The following TMX3 variants were observed in gnomAD, a reference collection of about 807,000 sequenced individuals.
TMX3 encodes the protein thioredoxin related transmembrane protein 3.
TMX3 carries 40 observed loss-of-function variants against 64.4 expected under a neutral mutation model. The observed-to-expected ratio is 0.62, with a 90% CI of 0.48 to 0.81. The LOEUF (loss-of-function observed/expected upper bound fraction) is 0.81. Ranked by LOEUF, TMX3 falls within the 30% of genes least tolerant of loss-of-function variation. The pLI is 0.00. For missense variants in TMX3, 497 were observed against 534.5 expected (o/e 0.93, Z 0.69); for synonymous variants, 189 against 175.7 (o/e 1.08, Z -0.60).
intron 10 of TMX3, 34 bp from the exon 11 acceptor site, chr18:68,684,519 A>T: frequency 1.3e-6 from 2 of 1,570,560 alleles, no homozygotes; most frequent in South Asian, 2.2e-5. Context: ...GAATTCAATC[A>T]CCCTTATTAC....
chr18:68,711,165 A>C (rs1413124127), intron 3 of TMX3, among the ~76,000 whole-genome samples, 199 bp downstream of exon 3: 1 of 152,180 alleles, frequency 6.6e-6, no homozygotes, highest in Admixed American at 6.5e-5. Flanking sequence ...TTCATCAAAA[A>C]TACGTTCCCT....
At position 68,710,055 on chromosome 18, in the gene TMX3, A is replaced by T. The variant is rs780526592; in HGVS notation, c.231T>A (p.Val77=). ...GLEMKSIGSP[V]KVGKMDATSY... Reference sequence around the variant, plus strand: ...AAGTAGCATCCATCTTTCCAACCTTAACTGGAGAACCAATGCTTTTCATCT... The same window carrying T: ...AAGTAGCATCCATCTTTCCAACCTTTACTGGAGAACCAATGCTTTTCATCT... Residue 77 remains valine, a synonymous_variant, in exon 4 of 16, where the codon GTT becomes GTA. Coordinates refer to ENST00000299608, the MANE Select transcript of TMX3 (RefSeq NM_019022.5). The T allele has an allele frequency of 3.8e-5, 60 of 1,597,218 alleles. No individual in the cohort carries two copies. The highest frequency in any genetic ancestry group is 4.7e-5 in the Non-Finnish European group (55 of 1,172,796).
chr18:68,713,791 GAT>G, intron 2 of TMX3, 53 bp downstream of exon 2: 1 of 863,844 alleles, frequency 1.2e-6, no homozygotes. Context: ...CAAATATTCA[GAT>G]ATCTGAGTTG....
chr18:68,681,247 C>A, intron 13 of TMX3, 137 bp from the exon 14 acceptor site: 1 of 771,502 alleles, frequency 1.3e-6, no homozygotes. Flanking sequence ...AGAAAATGAT[C>A]AAATAGACCT....
At chr18:68,688,792 G>T (rs1914216144) in intron 9 of TMX3, 1 of 152,196 alleles carries the variant, frequency 6.6e-6, no homozygotes, top group Non-Finnish European at 1.5e-5. Flanking sequence ...TGATCAATTT[G>T]AATTTCATTC....
At chr18:68,706,817 A>C (rs1273268992) in intron 4 of TMX3, among the ~76,000 whole-genome samples, 3 of 152,216 alleles carry the variant, frequency 2.0e-5, no homozygotes, top group Admixed American at 6.5e-5. Context: ...GAAATTCACA[A>C]GGCAAAAATC....
intron 9 of TMX3, 196 bp from the exon 10 acceptor site, chr18:68,687,961 T>C (rs1914126198): frequency 5.6e-6 from 2 of 354,626 alleles, no homozygotes; most frequent in Admixed American, 4.7e-5. Flanking sequence ...CATTATAGCA[T>C]CATTAAAAAT....
At chr18:68,680,876 G>T in intron 14 of TMX3, 105 bp downstream of exon 14, 1 of 1,163,252 alleles carries the variant, frequency 8.6e-7, no homozygotes, top group South Asian at 2.1e-5. Context: ...CCTCTACTCC[G>T]GGTGATGGCC....
At chr18:68,695,638 A>G (rs750019326) in intron 8 of TMX3, among the ~76,000 whole-genome samples, 2 of 152,120 alleles carry the variant, frequency 1.3e-5, no homozygotes, top group Non-Finnish European at 2.9e-5. Flanking sequence ...ATTCTTCCAT[A>G]TCAGCAAGCT....
intron 10 of TMX3, among the ~76,000 whole-genome samples, chr18:68,686,294 G>A (rs561463675): frequency 6.6e-6 from 1 of 152,302 alleles, no homozygotes; most frequent in African/African-American, 2.4e-5. Context: ...GAAAAGATGT[G>A]TTCAGTTGAG....
At chr18:68,710,491 C>T (rs776069362) in intron 3 of TMX3, among the ~76,000 whole-genome samples, 1 of 152,042 alleles carries the variant, frequency 6.6e-6, no homozygotes, top group African/African-American at 2.4e-5. Flanking sequence ...CATATATATA[C>T]AACATACACA....
At chr18:68,694,429 G>A (rs1283099230) in intron 8 of TMX3, among the ~76,000 whole-genome samples, 2 of 152,206 alleles carry the variant, frequency 1.3e-5, no homozygotes, top group Non-Finnish European at 2.9e-5. Flanking sequence ...GCCTGGAGCT[G>A]CCTTCCCCGT....
chr18:68,708,187 T>C (rs2030920523), intron 4 of TMX3, among the ~76,000 whole-genome samples: 1 of 151,980 alleles, frequency 6.6e-6, no homozygotes, highest in African/African-American at 2.4e-5. Flanking sequence ...CAAAGAAATA[T>C]CAACTCAAAC....
At chr18:68,711,454 A>T in intron 2 of TMX3, 51 bp from the exon 3 acceptor site, 1 of 1,348,662 alleles carries the variant, frequency 7.4e-7, no homozygotes. Context: ...TCCACTTTAC[A>T]ACTGTATAGT....
rs778069843 is a variant in TMX3, at chr18:68,684,198, G to A, written c.840C>T (p.Leu280=). Residue 280 remains leucine, a synonymous_variant, in exon 12 of 16, where the codon CTC becomes CTT. Transcript: ENST00000299608. ...IQEVARDYRD[L]FHRDFQFGHM... is the part of the protein sequence containing the mutation. The stretch of plus-strand genomic sequence containing the variant: ...AGAATATAAGCACCTACCTATGGAA[G>A]AGGTCTCTGTAATCTCTTGCAACTT... 1.2e-5 allele frequency: 19 copies of A among 1,609,614 alleles called. No individual in the cohort carries two copies. Among genetic ancestry groups the A allele is most frequent in the Admixed American group, 5.0e-5 (3 of 59,660 alleles).
In TMX3 at chr18:68,681,028, C is replaced by T. The variant is rs1354584113; in HGVS notation, c.988G>A (p.Glu330Lys). 2 of 1,600,952 alleles carry T rather than the reference C, an allele frequency of 1.2e-6. No homozygotes were observed. Among genetic ancestry groups the T allele is most frequent in the African/African-American group, 2.7e-5 (2 of 74,480 alleles). Residue 330 changes from glutamate to lysine, a missense_variant, in exon 14 of 16, where the codon GAA (glutamate) becomes AAA (lysine). By Grantham distance (56) the Glu-to-Lys change is moderately conservative. Transcript: ENST00000299608. ...TTATTAATAAACTGGACCATGTCTT[C>T]AACATTCTTAATCTGTCTATCTAGC... ...FLLDRQIKNV[E>K]DMVQFINNIL...
Position 68,673,741 on chromosome 18 carries a change from C to T in TMX3, c.*3192G>A, listed in dbSNP as rs1912707168. The T allele has an allele frequency of 6.6e-6, 1 of 152,104 alleles. No homozygotes were observed. The highest frequency in any genetic ancestry group is 1.5e-5 in the Non-Finnish European group (1 of 68,032). The allele number at this position is 152,104 out of a possible 1,614,324, so 9.4% of individuals were successfully genotyped here. On this transcript the variant is annotated 3_prime_UTR_variant, in exon 16 of 16. Coordinates refer to ENST00000299608, the MANE Select transcript of TMX3 (RefSeq NM_019022.5). ...AAAAACAAAGGTTTACAATTTGTGC[C>T]ATAGGCAGAATATCATGAATTCAAC...
At chr18:68,686,606 C>T (rs1434106323) in intron 10 of TMX3, 19 of 395,018 alleles carry the variant, frequency 4.8e-5, no homozygotes, top group Non-Finnish European at 6.5e-5. Flanking sequence ...ACTTGGGAGG[C>T]TGAGGCAGGA....
chr18:68,693,580 C>T (rs1033367440), intron 8 of TMX3, among the ~76,000 whole-genome samples: 8 of 152,154 alleles, frequency 5.3e-5, no homozygotes, highest in East Asian at 1.9e-4. Flanking sequence ...GTGCTTGGCG[C>T]GGCGCTGACG....
Sources: allele counts gnomAD v4.1 joint callset (sites outside exome capture counted in the v4.1 genomes callset), GRCh38; gene constraint gnomAD v4.1.1; transcripts MANE v1.5; gene names NCBI Gene and HGNC (gene_info 2026-07-23, HGNC 2026-07-21).